The following MCTP1 variants were observed in gnomAD, a reference collection of about 807,000 sequenced individuals.
MCTP1 encodes the protein multiple C2 and transmembrane domain containing 1, also known as multiple C2 and transmembrane domain-containing protein 1.
In MCTP1, 69 loss-of-function variants were observed where a neutral mutation model predicts 120.6. That is an observed-to-expected ratio of 0.57 (90% CI 0.47 to 0.70). The LOEUF (loss-of-function observed/expected upper bound fraction) is 0.70, where lower values mean the gene tolerates loss of function less well. Ranked by LOEUF, MCTP1 falls within the 30% of genes least tolerant of loss-of-function variation. The pLI, the probability that MCTP1 is intolerant of heterozygous loss-of-function variation, is 0.00. For missense variants in MCTP1, 1,203 were observed against 1,248.8 expected (o/e 0.96, Z 0.55); for synonymous variants, 529 against 493.1 (o/e 1.07, Z -0.96).
chr5:94,974,175 T>C (rs1422230369), intron 2 of MCTP1, among the ~76,000 whole-genome samples: 1 of 152,160 alleles, frequency 6.6e-6, no homozygotes, highest in Non-Finnish European at 1.5e-5. Context: ...GGTTATCAAA[T>C]CTCTGATTTC....
At chr5:94,924,179 A>G (rs1041952355) in intron 6 of MCTP1, among the ~76,000 whole-genome samples, 158 bp from the exon 7 acceptor site, 4 of 152,132 alleles carry the variant, frequency 2.6e-5, no homozygotes, top group African/African-American at 2.4e-5. Context: ...TCTTCCCTTG[A>G]GTAAATTAAA....
At chr5:95,197,481 T>C (rs983687378) in intron 1 of MCTP1, among the ~76,000 whole-genome samples, 10 of 152,144 alleles carry the variant, frequency 6.6e-5, no homozygotes, top group African/African-American at 2.4e-4. Flanking sequence ...AATTGAGCAA[T>C]AGCTAAATAG....
intron 1 of MCTP1, among the ~76,000 whole-genome samples, chr5:95,155,991 G>A (rs934127404): frequency 4.6e-5 from 7 of 152,212 alleles, no homozygotes; most frequent in African/African-American, 1.7e-4. Context: ...GCTAGGACCT[G>A]AGGTGGCCTC....
At chr5:94,919,390 A>G (rs923217980) in intron 7 of MCTP1, among the ~76,000 whole-genome samples, 3 of 152,164 alleles carry the variant, frequency 2.0e-5, no homozygotes, top group Non-Finnish European at 1.5e-5. Context: ...ATTAAAAAAA[A>G]TCGATTTAGA....
At chr5:94,743,861 G>A (rs1277687332) in intron 19 of MCTP1, among the ~76,000 whole-genome samples, 1 of 151,640 alleles carries the variant, frequency 6.6e-6, no homozygotes, top group African/African-American at 2.4e-5. Context: ...GGATGGTCTC[G>A]ATCTTCTGAC....
intron 1 of MCTP1, among the ~76,000 whole-genome samples, chr5:95,224,658 C>G (rs375790227): frequency 6.6e-6 from 1 of 152,110 alleles, no homozygotes; most frequent in Non-Finnish European, 1.5e-5. Flanking sequence ...TAGGAATGCA[C>G]CACCACATTC....
At chr5:95,187,161 T>G (rs868159196) in intron 1 of MCTP1, among the ~76,000 whole-genome samples, 40 of 152,248 alleles carry the variant, frequency 2.6e-4, no homozygotes, top group African/African-American at 8.7e-4. Flanking sequence ...CCATGTTTAT[T>G]GCTGCACTGT....
intron 1 of MCTP1, among the ~76,000 whole-genome samples, chr5:95,039,775 A>G (rs1446995798): frequency 3.3e-5 from 5 of 152,120 alleles, no homozygotes; most frequent in African/African-American, 7.2e-5. Context: ...TACAATGCAA[A>G]AAAATGCTTA....
At chr5:95,015,926 T>C (rs1837020162) in intron 2 of MCTP1, among the ~76,000 whole-genome samples, 1 of 152,128 alleles carries the variant, frequency 6.6e-6, no homozygotes, top group Non-Finnish European at 1.5e-5. Flanking sequence ...AATTCTGTTT[T>C]AGATTGAATG....
intron 1 of MCTP1, among the ~76,000 whole-genome samples, chr5:95,114,113 G>C (rs56059837): frequency 0.04 from 6,126 of 152,206 alleles, 167 homozygotes; most frequent in Non-Finnish European, 0.063. Context: ...AAGAGCCCTT[G>C]GGTCCTGAAT....
intron 1 of MCTP1, among the ~76,000 whole-genome samples, chr5:95,249,325 A>T (rs1410148079): frequency 6.6e-6 from 1 of 152,150 alleles, no homozygotes; most frequent in East Asian, 1.9e-4. Context: ...ATTAAAAAAA[A>T]CCCCATCAGA....
chr5:94,942,657 AC>A (rs570624602), intron 3 of MCTP1, among the ~76,000 whole-genome samples: 2 of 152,136 alleles, frequency 1.3e-5, no homozygotes, highest in Non-Finnish European at 2.9e-5. Context: ...ATCAAACAGA[AC>A]TTTAAGATAG....
At chr5:94,943,874 G>A (rs1818319475) in intron 3 of MCTP1, among the ~76,000 whole-genome samples, 1 of 151,946 alleles carries the variant, frequency 6.6e-6, no homozygotes, top group Non-Finnish European at 1.5e-5. Context: ...TGGAGTAATT[G>A]AGCATAACCA....
At chr5:94,968,223 T>A (rs1282794266) in intron 2 of MCTP1, among the ~76,000 whole-genome samples, 2 of 152,108 alleles carry the variant, frequency 1.3e-5, no homozygotes, top group Non-Finnish European at 2.9e-5. Flanking sequence ...TTTAAAGGAG[T>A]TATATGGTCA....
intron 1 of MCTP1, among the ~76,000 whole-genome samples, chr5:95,176,158 T>G (rs1229763594): frequency 6.6e-6 from 1 of 152,204 alleles, no homozygotes; most frequent in African/African-American, 2.4e-5. Flanking sequence ...TTCTAATTGA[T>G]AAAATGTATT....
At chr5:95,150,216 A>G (rs1198150134) in intron 1 of MCTP1, among the ~76,000 whole-genome samples, 1 of 152,210 alleles carries the variant, frequency 6.6e-6, no homozygotes, top group East Asian at 1.9e-4. Flanking sequence ...TAACCTAATA[A>G]TGATAATTTG....
At chr5:95,206,861 C>G (rs1157988982) in intron 1 of MCTP1, among the ~76,000 whole-genome samples, 1 of 152,026 alleles carries the variant, frequency 6.6e-6, no homozygotes, top group African/African-American at 2.4e-5. Flanking sequence ...TTTAAAGGCA[C>G]TTGGTTTTGC....
intron 3 of MCTP1, among the ~76,000 whole-genome samples, chr5:94,952,339 G>A (rs1010965347): frequency 1.3e-5 from 2 of 151,954 alleles, no homozygotes; most frequent in Non-Finnish European, 2.9e-5. Context: ...CTTCTTATAA[G>A]CTACCCTCTT....
At chr5:95,234,295 T>A (rs1437653415) in intron 1 of MCTP1, among the ~76,000 whole-genome samples, 2 of 152,234 alleles carry the variant, frequency 1.3e-5, no homozygotes, top group African/African-American at 4.8e-5. Context: ...CAAAGACTTA[T>A]CTTCCACCTG....
Sources: allele counts gnomAD v4.1 joint callset (sites outside exome capture counted in the v4.1 genomes callset), GRCh38; gene constraint gnomAD v4.1.1; transcripts MANE v1.5; gene names NCBI Gene and HGNC (gene_info 2026-07-23, HGNC 2026-07-21).